Variants in ZFHX3 observed in about 807,000 individuals in gnomAD.
ZFHX3 encodes the protein zinc finger homeobox protein 3.
ZFHX3 carries 42 observed loss-of-function variants against 279.1 expected under a neutral mutation model. The ratio of observed to expected loss-of-function variants is 0.15; its 90% confidence interval spans 0.12 to 0.19. The LOEUF (loss-of-function observed/expected upper bound fraction) is 0.19. ZFHX3 is among the 10% of genes least tolerant of loss of function. The pLI is 1.00. For missense variants in ZFHX3, 4,981 were observed against 4,754.0 expected (o/e 1.05, Z -1.40); for synonymous variants, 2,293 against 1,957.8 (o/e 1.17, Z -4.52).
intron 8 of ZFHX3, among the ~76,000 whole-genome samples, chr16:73,087,318 G>A (rs1362982871): frequency 3.3e-5 from 5 of 152,034 alleles, no homozygotes; most frequent in Non-Finnish European, 7.3e-5. Context: ...CTGAGGATCC[G>A]GGAATGTGAC....
At chr16:73,295,588 T>C (rs935923666) in intron 4 of ZFHX3, among the ~76,000 whole-genome samples, 1 of 152,240 alleles carries the variant, frequency 6.6e-6, no homozygotes, top group Non-Finnish European at 1.5e-5. Context: ...TTTCCATTTG[T>C]AGAACTGGGT....
At chr16:73,560,144 T>G (rs1220245407) in intron 2 of ZFHX3, among the ~76,000 whole-genome samples, 1 of 152,192 alleles carries the variant, frequency 6.6e-6, no homozygotes, top group African/African-American at 2.4e-5. Context: ...ATTGACTGGT[T>G]TTTGCACCAA....
intron 1 of ZFHX3, among the ~76,000 whole-genome samples, chr16:73,773,818 A>G (rs538030155): frequency 1.2e-4 from 19 of 152,300 alleles, no homozygotes; most frequent in Middle Eastern, 3.4e-3. Context: ...GGGGACTCCA[A>G]CATTCCCTGG....
chr16:72,853,057 T>G (rs1423023242), intron 4 of ZFHX3, among the ~76,000 whole-genome samples: 1 of 152,200 alleles, frequency 6.6e-6, no homozygotes, highest in Non-Finnish European at 1.5e-5. Flanking sequence ...AACATGTACT[T>G]GGACAAGAAA....
intron 3 of ZFHX3, among the ~76,000 whole-genome samples, chr16:73,319,593 C>T (rs570924105): frequency 2.6e-5 from 4 of 151,442 alleles, no homozygotes; most frequent in Non-Finnish European, 5.9e-5. Context: ...GCCACCAATA[C>T]GTGTGATCAT....
intron 1 of ZFHX3, among the ~76,000 whole-genome samples, chr16:72,990,594 CTT>C (rs1337929848): frequency 6.6e-6 from 1 of 152,168 alleles, no homozygotes; most frequent in African/African-American, 2.4e-5. Flanking sequence ...TGAGCACCCT[CTT>C]CTTTCCAGTT....
intron 4 of ZFHX3, among the ~76,000 whole-genome samples, chr16:72,886,002 C>T (rs999436108): frequency 1.3e-5 from 2 of 152,142 alleles, no homozygotes; most frequent in Non-Finnish European, 2.9e-5. Context: ...TCGATGTTTA[C>T]AAAATTTGAA....
chr16:73,776,856 C>G (rs1011980715), intron 1 of ZFHX3, among the ~76,000 whole-genome samples: 3 of 152,136 alleles, frequency 2.0e-5, no homozygotes, highest in African/African-American at 7.2e-5. Flanking sequence ...GGTGTGCCAG[C>G]TGTCCATATA....
In ZFHX3 at chr16:72,798,721, A is replaced by G; in HGVS notation, c.3968-7T>C. The G allele has an allele frequency of 1.4e-6, 1 of 720,086 alleles. No individual in the cohort carries two copies. The allele number at this position is 720,086 out of a possible 1,614,324, so 44.6% of individuals were successfully genotyped here. A position where few individuals can be genotyped will look rare whatever the true frequency, so the allele number is the denominator to read the frequency against. On this transcript the variant is annotated splice_polypyrimidine_tract_variant and splice_region_variant and intron_variant, in intron 8 of 9. Transcript: ENST00000268489. ...CCCAGATCCTCTGAGGTTTCTGTTAAAAAAAAAAAAAAAATCAAACCCAAA... is the reference window on the plus strand; with the variant it reads ...CCCAGATCCTCTGAGGTTTCTGTTAGAAAAAAAAAAAAAATCAAACCCAAA...
chr16:73,269,803 C>A (rs1054944122), intron 4 of ZFHX3, among the ~76,000 whole-genome samples: 1 of 151,678 alleles, frequency 6.6e-6, no homozygotes, highest in South Asian at 2.1e-4. Flanking sequence ...GGCTGGAGTG[C>A]GGTGGCGTGA....
intron 3 of ZFHX3, among the ~76,000 whole-genome samples, chr16:73,417,826 A>T (rs937276833): frequency 1.3e-5 from 2 of 150,604 alleles, no homozygotes; most frequent in African/African-American, 4.9e-5. Flanking sequence ...AAAAATAAAT[A>T]AAAAAATAAA....
chr16:73,376,519 A>T (rs1279841674), intron 3 of ZFHX3, among the ~76,000 whole-genome samples: 1 of 152,178 alleles, frequency 6.6e-6, no homozygotes, highest in Admixed American at 6.5e-5. Context: ...ATCATTTATT[A>T]GTTCTTCTAA....
intron 7 of ZFHX3, among the ~76,000 whole-genome samples, chr16:73,109,072 G>T (rs1410435988): frequency 1.3e-5 from 2 of 152,238 alleles, no homozygotes; most frequent in East Asian, 3.9e-4. Flanking sequence ...TCCACAGCCA[G>T]CCTGAGGACT....
chr16:73,412,195 G>A (rs374674638), intron 3 of ZFHX3, among the ~76,000 whole-genome samples: 36 of 151,934 alleles, frequency 2.4e-4, no homozygotes, highest in South Asian at 8.3e-4. Context: ...ACATAGTGGC[G>A]CACACCTGTA....
intron 5 of ZFHX3, among the ~76,000 whole-genome samples, chr16:73,174,756 GCCTATAAT>G (rs1967620521): frequency 6.6e-6 from 1 of 151,294 alleles, no homozygotes; most frequent in Non-Finnish European, 1.5e-5. Flanking sequence ...AGTGGCTTAT[GCCTATAAT>G]CCTAGCATTC....
intron 2 of ZFHX3, among the ~76,000 whole-genome samples, chr16:73,582,591 CAGCCTCCTGAGT>C (rs2051873658): frequency 6.6e-6 from 1 of 152,006 alleles, no homozygotes; most frequent in Admixed American, 6.5e-5. Flanking sequence ...TCTTCTGCCT[CAGCCTCCTGAGT>C]AGCTGGGATT....
chr16:73,038,765 G>A (rs1965004111), intron 1 of ZFHX3, among the ~76,000 whole-genome samples: 1 of 146,814 alleles, frequency 6.8e-6, no homozygotes, highest in Non-Finnish European at 1.5e-5. Context: ...GCTCTAAAAG[G>A]AAAGACTCTT....
At chr16:73,759,640 T>G (rs2142279886) in intron 1 of ZFHX3, among the ~76,000 whole-genome samples, 1 of 152,286 alleles carries the variant, frequency 6.6e-6, no homozygotes, top group South Asian at 2.1e-4. Flanking sequence ...CCCTACTCAT[T>G]CAAGTCTTCT....
intron 5 of ZFHX3, among the ~76,000 whole-genome samples, chr16:73,213,792 C>G (rs1016865411): frequency 6.6e-6 from 1 of 152,050 alleles, no homozygotes; most frequent in East Asian, 1.9e-4. Flanking sequence ...GGCCCGGGTC[C>G]CATTTTTGCT....
Sources: gnomAD v4.1 joint callset for allele counts (sites outside exome capture counted in the v4.1 genomes callset) on GRCh38, gnomAD v4.1.1 for gene constraint, MANE v1.5 for transcripts, NCBI Gene and HGNC (gene_info 2026-07-23, HGNC 2026-07-21) for gene names.